Variants in COL21A1 observed in about 807,000 individuals in gnomAD.
COL21A1 encodes the protein collagen alpha-1(XXI) chain.
COL21A1 carries 149 observed loss-of-function variants against 137.9 expected under a neutral mutation model. The ratio of observed to expected loss-of-function variants is 1.08; its 90% CI spans 0.95 to 1.24. The LOEUF is 1.24. Ranked by LOEUF, COL21A1 falls within the 50% of genes most tolerant of loss-of-function variation. COL21A1 has a pLI of 0.00. For missense variants in COL21A1, 1,167 were observed against 1,158.4 expected (o/e 1.01, Z -0.11); for synonymous variants, 456 against 391.5 (o/e 1.16, Z -1.95).
chr6:56,356,265 A>G (rs1466770575), intron 1 of COL21A1, among the ~76,000 whole-genome samples: 1 of 152,142 alleles, frequency 6.6e-6, no homozygotes, highest in African/African-American at 2.4e-5. Flanking sequence ...AAGTACTATA[A>G]GGGGCTAGAC....
chr6:56,350,425 G>A (rs536283887), intron 1 of COL21A1, among the ~76,000 whole-genome samples: 1 of 152,342 alleles, frequency 6.6e-6, no homozygotes, highest in South Asian at 2.1e-4. Flanking sequence ...GGACAGGGCA[G>A]TGATTATATC....
At chr6:56,197,332 A>C (rs1229408477) in intron 1 of COL21A1, among the ~76,000 whole-genome samples, 1 of 152,134 alleles carries the variant, frequency 6.6e-6, no homozygotes, top group Admixed American at 6.6e-5. Context: ...ACAAAAGCAC[A>C]GACAACAAAG....
At chr6:56,160,421 A>G (rs761105) in intron 9 of COL21A1, among the ~76,000 whole-genome samples, 88,280 of 151,966 alleles carry the variant, frequency 0.58, 26,002 homozygotes, top group East Asian at 0.79. Flanking sequence ...AACCAGTTCC[A>G]CTCCAGGGTC....
At position 56,094,075 on chromosome 6, in the gene COL21A1, G is replaced by A. The variant is rs144028881; in HGVS notation, c.1812+7397C>T. 2.6e-5 allele frequency among the ~76,000 whole-genome samples: 4 copies of A among 152,124 alleles called. No individual in the cohort carries two copies. The East Asian group carries it at 7.7e-4, about 29-fold the overall frequency. Reference sequence around the variant, plus strand: ...AGCAGGATATTTCCCAAATCACCAAGTGCTGGCTCCTTTTTGCTTAACAGT... The same window carrying A: ...AGCAGGATATTTCCCAAATCACCAAATGCTGGCTCCTTTTTGCTTAACAGT... On this transcript the variant is annotated intron_variant, in intron 17 of 29. Transcript: ENST00000244728.
chr6:56,275,332 C>T (rs1409197358), intron 1 of COL21A1, among the ~76,000 whole-genome samples: 6 of 152,028 alleles, frequency 3.9e-5, no homozygotes, highest in Non-Finnish European at 8.8e-5. Context: ...TCCCCAAAAG[C>T]AATTGTAACA....
chr6:56,220,238 C>A (rs1318376492), intron 1 of COL21A1, among the ~76,000 whole-genome samples: 1 of 152,002 alleles, frequency 6.6e-6, no homozygotes, highest in Non-Finnish European at 1.5e-5. Context: ...GGCAGGCCAG[C>A]CAGGACTTGT....
rs546471018 is a variant in COL21A1 at position 56,081,715 on chromosome 6, T to A, written c.1813-4142A>T. On this transcript the variant is annotated intron_variant, in intron 17 of 29. Transcript: ENST00000244728. ...CCCTTGATAAGGAAATGAACAGTTT[T>A]CTATTCCCATATTATGCTGTAATTA... Among the ~76,000 whole-genome samples, 4 of 152,016 alleles carry A rather than the reference T, an allele frequency of 2.6e-5. No homozygotes were observed. In the Admixed American group the frequency reaches 2.6e-4, roughly 10 times the overall value.
chr6:56,228,057 T>C (rs984613338), intron 1 of COL21A1, among the ~76,000 whole-genome samples: 26 of 150,158 alleles, frequency 1.7e-4, no homozygotes, highest in African/African-American at 6.1e-4. Flanking sequence ...CCATGGAGAG[T>C]GGGAAAGGGG....
At chr6:56,159,013 G>A (rs994667) in intron 9 of COL21A1, among the ~76,000 whole-genome samples, 114,766 of 152,048 alleles carry the variant, frequency 0.75, 43,853 homozygotes, top group African/African-American at 0.86. Context: ...TTTCTCTCTT[G>A]TTTTGAGAAG....
intron 16 of COL21A1, among the ~76,000 whole-genome samples, chr6:56,115,960 C>T (rs1202130121): frequency 6.6e-6 from 1 of 151,728 alleles, no homozygotes; most frequent in African/African-American, 2.4e-5. Flanking sequence ...TGAAGATAGA[C>T]TTTGGAAATA....
chr6:56,260,643 G>GAAA (rs1562028822), intron 1 of COL21A1, among the ~76,000 whole-genome samples: 19 of 52,112 alleles, frequency 3.6e-4, no homozygotes, highest in South Asian at 1.2e-3. Flanking sequence ...AAGGAAGGAA[G>GAAA]GAAGGAAGGA....
chr6:56,295,631 C>A (rs1448400063), intron 1 of COL21A1, among the ~76,000 whole-genome samples: 1 of 7,846 alleles, frequency 1.3e-4, no homozygotes, highest in African/African-American at 1.4e-4. Flanking sequence ...GAGTTTTGTA[C>A]TTTTCCTCAC....
intron 5 of COL21A1, among the ~76,000 whole-genome samples, chr6:56,169,686 G>A (rs1041258004): frequency 1.3e-5 from 2 of 151,724 alleles, no homozygotes; most frequent in African/African-American, 4.8e-5. Context: ...CATCCTTCAA[G>A]GTCCAGTTCA....
At chr6:56,314,686 A>G (rs1280242831) in intron 1 of COL21A1, among the ~76,000 whole-genome samples, 1 of 152,216 alleles carries the variant, frequency 6.6e-6, no homozygotes, top group Non-Finnish European at 1.5e-5. Context: ...CTCAGTTTTC[A>G]TAGCTCCAAC....
intron 17 of COL21A1, among the ~76,000 whole-genome samples, chr6:56,087,950 C>G (rs1768414070): frequency 1.3e-5 from 2 of 152,162 alleles, no homozygotes; most frequent in Non-Finnish European, 2.9e-5. Flanking sequence ...TAAGCCAAAC[C>G]TGTTTTTAAA....
At chr6:56,179,282 T>C (rs1777718081) in intron 3 of COL21A1, among the ~76,000 whole-genome samples, 1 of 152,098 alleles carries the variant, frequency 6.6e-6, no homozygotes, top group Non-Finnish European at 1.5e-5. Flanking sequence ...TTTCTACAAT[T>C]TCTACAATAG....
intron 1 of COL21A1, among the ~76,000 whole-genome samples, chr6:56,333,072 G>A (rs1021640316): frequency 2.0e-5 from 3 of 151,934 alleles, no homozygotes; most frequent in African/African-American, 7.3e-5. Context: ...TTTCCACTCT[G>A]AGATTAGAAA....
At chr6:56,256,704 T>A (rs1243617724) in intron 1 of COL21A1, among the ~76,000 whole-genome samples, 1 of 151,848 alleles carries the variant, frequency 6.6e-6, no homozygotes, top group Non-Finnish European at 1.5e-5. Context: ...TTTTTAAAAA[T>A]TTTAAAAACC....
chr6:56,336,138 C>G (rs539978880), intron 1 of COL21A1, among the ~76,000 whole-genome samples: 6 of 152,302 alleles, frequency 3.9e-5, no homozygotes, highest in Admixed American at 3.3e-4. Context: ...AGTACATCAG[C>G]CTCAGCTGGG....
Sources: allele counts gnomAD v4.1 joint callset (sites outside exome capture counted in the v4.1 genomes callset), GRCh38; gene constraint gnomAD v4.1.1; transcripts MANE v1.5; gene names NCBI Gene and HGNC (gene_info 2026-07-23, HGNC 2026-07-21).